Variants in PTCD3 observed in about 807,000 individuals in gnomAD.
PTCD3 encodes pentatricopeptide repeat domain 3.
PTCD3 carries 89 observed loss-of-function variants against 101.9 expected under a neutral mutation model. The ratio of observed to expected loss-of-function variants is 0.87; its 90% confidence interval spans 0.74 to 1.04. The LOEUF (loss-of-function observed/expected upper bound fraction) is 1.04. Ranked by LOEUF, PTCD3 falls within the 50% of genes least tolerant of loss-of-function variation. PTCD3 has a pLI of 0.00. For synonymous variants in PTCD3, 296 were observed against 278.5 expected (o/e 1.06, Z -0.63); for missense variants, 870 against 828.2 (o/e 1.05, Z -0.62).
chr2:86,121,180 A>T (rs1419020821), intron 7 of PTCD3, among the ~76,000 whole-genome samples: 2 of 152,182 alleles, frequency 1.3e-5, no homozygotes, highest in Non-Finnish European at 2.9e-5. Context: ...TTTGGTGATG[A>T]TAATTAAAAC....
At chr2:86,120,921 T>C (rs754007826) in intron 7 of PTCD3, among the ~76,000 whole-genome samples, 9 of 152,208 alleles carry the variant, frequency 5.9e-5, no homozygotes, top group Non-Finnish European at 1.0e-4. Context: ...ACTTTTCTTA[T>C]AAGATAGCAG....
intron 12 of PTCD3, among the ~76,000 whole-genome samples, chr2:86,126,802 A>G (rs949100538): frequency 2.6e-5 from 4 of 151,188 alleles, no homozygotes; most frequent in African/African-American, 9.7e-5. Flanking sequence ...GCACCACTGC[A>G]CTCCAGCCTG....
chr2:86,135,951 A>G (rs3770069), intron 21 of PTCD3: 411,991 of 518,872 alleles, frequency 0.79, 167,831 homozygotes, highest in Non-Finnish European at 0.84. Context: ...TTTGTCCTGC[A>G]TGTGGCAGGC....
Position 86,133,187 on chromosome 2 carries a change from C to T in PTCD3, c.1383C>T (p.Phe461=), listed in dbSNP as rs753464294. 6.2e-7 allele frequency: 1 copy of T among 1,613,744 alleles called. No individual in the cohort carries two copies. The highest frequency in any genetic ancestry group is 1.1e-5 in the South Asian group (1 of 90,974). The change falls in exon 18 of 24, where the codon TTC becomes TTT. Residue 461 remains phenylalanine (F), a synonymous_variant. Transcript: ENST00000254630. ...TTTGCCTTCATCACAGTTCCAAGTTCTTCGATTTGATTTGTCTAATGGAAC... is the reference window on the plus strand; with the variant it reads ...TTTGCCTTCATCACAGTTCCAAGTTTTTCGATTTGATTTGTCTAATGGAAC... ...DQHRNFYYSK[F]FDLICLMEQI...
rs760210870 is a variant in PTCD3 at position 86,137,155 on chromosome 2, T to C, written c.1979+15T>C. The C allele has an allele frequency of 5.7e-5, 89 of 1,559,522 alleles. No homozygotes were observed. The highest frequency in any genetic ancestry group is 7.4e-5 in the Non-Finnish European group (85 of 1,154,392). The stretch of plus-strand genomic sequence containing the variant: ...CAGGAACAAAAGTAAGTGGTCACCA[T>C]GAAGCATAGTTTGTAAAATGGAGAC... On this transcript the variant is annotated intron_variant, in intron 23 of 23. Transcript: ENST00000254630.
intron 3 of PTCD3, 183 bp from the exon 4 acceptor site, chr2:86,110,930 A>C (rs1178990415): frequency 1.3e-6 from 1 of 749,774 alleles, no homozygotes; most frequent in East Asian, 2.7e-5. Context: ...AACATGTACC[A>C]ACTAGGGGAA....
chr2:86,111,156 A>G lies in PTCD3; in HGVS notation c.238A>G (p.Arg80Gly). Residue 80 changes from arginine (R) to glycine (G), a missense_variant and splice_region_variant, in exon 4 of 24, where the codon AGG (arginine) becomes GGG (glycine). Transcript: ENST00000254630. ...TCAGGCACTTGCATCCACAGTAAAC[A>G]GGGTAAGTAGGATTTTGTGTTTTTT... ...VLQALASTVN[R>G]DTTAVPYVFQ... 2 of 1,612,302 alleles carry G rather than the reference A, an allele frequency of 1.2e-6. No individual in the cohort carries two copies. The highest frequency in any genetic ancestry group is 1.7e-5 in the Admixed American group (1 of 59,982).
chr2:86,130,214 C>T (rs756463910), intron 14 of PTCD3, among the ~76,000 whole-genome samples: 54 of 152,030 alleles, frequency 3.6e-4, no homozygotes, highest in Non-Finnish European at 7.2e-4. Flanking sequence ...GCAGGAGAAT[C>T]GCTTGAACCC....
rs1674366852 is a variant in PTCD3 at position 86,125,471 on chromosome 2, A to T, written c.821A>T (p.Gln274Leu). 4 of 1,613,258 alleles carry T rather than the reference A, an allele frequency of 2.5e-6. No individual in the cohort carries two copies. Among genetic ancestry groups the T allele is most frequent in the Non-Finnish European group, 2.5e-6 (3 of 1,179,264 alleles). ...CTTTTCCAGCACCGAGCTTATGAGC[A>T]GGCATTAAACTTGTACACTGAGTTA... ...RGMVKHRAYE[Q>L]ALNLYTELLN... The change falls in exon 11 of 24, where the codon CAG becomes CTG. Residue 274 changes from glutamine to leucine, a missense_variant. Physicochemically the swap from Gln to Leu is moderately radical, Grantham distance 113 (BLOSUM62 -2). Transcript: ENST00000254630.
chr2:86,130,881 T>C, intron 15 of PTCD3, 144 bp downstream of exon 15: 2 of 1,453,566 alleles, frequency 1.4e-6, no homozygotes, highest in Non-Finnish European at 1.8e-6. Flanking sequence ...AGTAGGTGTA[T>C]ATAGCTTAGT....
At chr2:86,117,254 C>T in intron 6 of PTCD3, 95 bp downstream of exon 6, 1 of 572,240 alleles carries the variant, frequency 1.7e-6, no homozygotes, top group Non-Finnish European at 3.2e-6. Context: ...TATTTGAATA[C>T]CCTCAATATT....
chr2:86,135,099 C>T (rs777483224), intron 21 of PTCD3, 112 bp downstream of exon 21: 25 of 1,286,058 alleles, frequency 1.9e-5, no homozygotes, highest in Middle Eastern at 2.2e-4. Context: ...GTATTTGATT[C>T]GGGAACTTGC....
chr2:86,140,400 T>C lies in PTCD3; in HGVS notation c.*2841T>C, dbSNP rs1483757836. The C allele has an allele frequency of 1.3e-5, 2 of 152,212 alleles. No homozygotes were observed. The highest frequency in any genetic ancestry group is 2.4e-5 in the African/African-American group (1 of 41,456). 9.4% of individuals were successfully genotyped at this position (152,212 alleles called of 1,614,324 possible). A position where few individuals can be genotyped will look rare whatever the true frequency, so the allele number is the denominator to read the frequency against. ...GTTTGAAATCAGTTTTTGTGGGTGATTGCAATTTTTTAATGAAATGCATTA... is the reference window on the plus strand; with the variant it reads ...GTTTGAAATCAGTTTTTGTGGGTGACTGCAATTTTTTAATGAAATGCATTA... On this transcript the variant is annotated 3_prime_UTR_variant, in exon 24 of 24. Coordinates refer to ENST00000254630, the MANE Select transcript of PTCD3 (RefSeq NM_017952.6).
intron 22 of PTCD3, chr2:86,136,768 T>C: frequency 1.2e-6 from 1 of 805,886 alleles, no homozygotes; most frequent in Middle Eastern, 3.3e-4. Context: ...ATTGAATAGA[T>C]CATCATGAAG....
chr2:86,110,294 G>C (rs1184860568), intron 3 of PTCD3, among the ~76,000 whole-genome samples: 1 of 152,172 alleles, frequency 6.6e-6, no homozygotes. Context: ...AAATTTAGTG[G>C]ATATTATGTA....
At chr2:86,108,904 G>T in intron 3 of PTCD3, 7 of 187,808 alleles carry the variant, frequency 3.7e-5, no homozygotes, top group Non-Finnish European at 7.6e-5. Flanking sequence ...TCTCTAATGA[G>T]GTAAAAATAA....
intron 21 of PTCD3, 179 bp downstream of exon 21, chr2:86,135,166 G>C: frequency 3.5e-6 from 2 of 564,310 alleles, no homozygotes; most frequent in Non-Finnish European, 6.1e-6. Context: ...ATGTAGTTGA[G>C]ATAAGGCATA....
In PTCD3 at chr2:86,115,084, G is replaced by A. The variant is rs189055699; in HGVS notation, c.241-1446G>A. Among the ~76,000 whole-genome samples the A allele has an allele frequency of 2.8e-4, 43 of 152,290 alleles. 1 individual carries two copies. Among genetic ancestry groups the A allele is most frequent in the Admixed American group, 2.1e-3 (32 of 15,296 alleles). ...GAAGCAGGTGTTTGGCACAAAACACGTTGTACAAACAGGTTAGGCACAGTG... is the reference window on the plus strand; with the variant it reads ...GAAGCAGGTGTTTGGCACAAAACACATTGTACAAACAGGTTAGGCACAGTG... On this transcript the variant is annotated intron_variant, in intron 4 of 23. Coordinates refer to ENST00000254630, the MANE Select transcript of PTCD3 (RefSeq NM_017952.6).
chr2:86,133,136 A>T (rs1413919113), intron 17 of PTCD3, 42 bp from the exon 18 acceptor site: 3 of 1,601,556 alleles, frequency 1.9e-6, no homozygotes, highest in Non-Finnish European at 2.6e-6. Flanking sequence ...GTTGTTAGAC[A>T]TAGGGACTTT....
Sources: allele counts gnomAD v4.1 joint callset (sites outside exome capture counted in the v4.1 genomes callset), GRCh38; gene constraint gnomAD v4.1.1; transcripts MANE v1.5; gene names NCBI Gene and HGNC (gene_info 2026-07-23, HGNC 2026-07-21).